ALCAM: variants seen among roughly 807,000 people sequenced by gnomAD.
ALCAM encodes activated leukocyte cell adhesion molecule, also known as CD166 antigen.
A neutral mutation model predicts 70.9 loss-of-function variants in ALCAM; 30 were observed. The observed-to-expected ratio is 0.42, with a 90% CI of 0.32 to 0.57. The LOEUF (loss-of-function observed/expected upper bound fraction) is 0.57. ALCAM is among the 20% of genes least tolerant of loss of function. The pLI is 0.11. For missense variants in ALCAM, 591 were observed against 695.1 expected, an observed-to-expected ratio of 0.85 and a Z score of 1.68; for synonymous variants, 249 against 242.5, an observed-to-expected ratio of 1.03 and a Z score of -0.25.
At chr3:105,434,515 C>T (rs1253117306) in intron 1 of ALCAM, among the ~76,000 whole-genome samples, 1 of 151,726 alleles carries the variant, frequency 6.6e-6, no homozygotes, top group African/African-American at 2.4e-5. Flanking sequence ...ATTATTTTTC[C>T]TCCGATTTTG....
At chr3:105,442,547 T>A (rs1249864954) in intron 1 of ALCAM, among the ~76,000 whole-genome samples, 2 of 152,084 alleles carry the variant, frequency 1.3e-5, no homozygotes, top group Non-Finnish European at 2.9e-5. Flanking sequence ...TGTGGGAGGC[T>A]GAGGCGGGTG....
intron 3 of ALCAM, 185 bp downstream of exon 3, chr3:105,524,693 C>A (rs575384846): frequency 7.5e-7 from 1 of 1,328,666 alleles, no homozygotes; most frequent in South Asian, 2.4e-5. Flanking sequence ...GTATGAAATT[C>A]AAATAGGAGA....
intron 11 of ALCAM, 70 bp downstream of exon 11, chr3:105,547,593 C>G (rs1225929469): frequency 1.9e-6 from 3 of 1,545,280 alleles, no homozygotes; most frequent in African/African-American, 2.8e-5. Flanking sequence ...CGAACCTACC[C>G]TATAGGTTGG....
rs1940119849 is a variant in ALCAM, at chr3:105,541,685, G to A, written c.911G>A (p.Arg304Lys). The change falls in exon 8 of 16, where the codon AGG (arginine) becomes AAG (lysine). Residue 304 changes from arginine (R) to lysine (K), a missense_variant. Transcript: ENST00000306107. ...SSNTYTLTDVRRNATGDYKCS... is the reference protein window; with the variant it reads ...SSNTYTLTDVKRNATGDYKCS... ...AATACTTACACACTGACGGATGTGA[G>A]GCGCAATGCAACAGGAGACTACAAG... 25 of 1,612,282 alleles carry A rather than the reference G, an allele frequency of 1.6e-5. No individual in the cohort carries two copies. The highest frequency in any genetic ancestry group is 1.9e-5 in the Non-Finnish European group (22 of 1,178,860).
chr3:105,503,531 T>G (rs1354681717), intron 1 of ALCAM, among the ~76,000 whole-genome samples: 2 of 152,018 alleles, frequency 1.3e-5, no homozygotes, highest in African/African-American at 4.8e-5. Context: ...ACCTAAACAC[T>G]TTAACACGAT....
intron 1 of ALCAM, among the ~76,000 whole-genome samples, chr3:105,495,035 C>T (rs1355469544): frequency 1.3e-5 from 2 of 152,190 alleles, no homozygotes; most frequent in African/African-American, 4.8e-5. Flanking sequence ...CAGACACCTC[C>T]TGTCCTCTTG....
intron 1 of ALCAM, among the ~76,000 whole-genome samples, chr3:105,391,194 C>T (rs182281904): frequency 1.3e-5 from 2 of 152,110 alleles, no homozygotes; most frequent in African/African-American, 4.8e-5. Flanking sequence ...GGCGGTATGG[C>T]CATTTTCACT....
intron 9 of ALCAM, among the ~76,000 whole-genome samples, chr3:105,546,829 A>AT (rs1940260111): frequency 6.6e-6 from 1 of 151,376 alleles, no homozygotes; most frequent in African/African-American, 2.4e-5. Flanking sequence ...AATTCCTGAC[A>AT]TAATAGGATT....
chr3:105,474,676 T>TA (rs1459244563), intron 1 of ALCAM, among the ~76,000 whole-genome samples: 1 of 151,776 alleles, frequency 6.6e-6, no homozygotes, highest in African/African-American at 2.4e-5. Context: ...CTCTTTTTTT[T>TA]ACGTATGAAA....
intron 1 of ALCAM, among the ~76,000 whole-genome samples, chr3:105,387,385 C>A (rs1391259734): frequency 2.0e-5 from 3 of 151,044 alleles, no homozygotes; most frequent in African/African-American, 7.3e-5. Context: ...TTAGCTTTTT[C>A]TCTTTAGATG....
At chr3:105,415,373 G>A (rs1936483188) in intron 1 of ALCAM, among the ~76,000 whole-genome samples, 1 of 152,056 alleles carries the variant, frequency 6.6e-6, no homozygotes, top group Admixed American at 6.6e-5. Flanking sequence ...GCAAATAAAA[G>A]ACATGCAAAA....
intron 1 of ALCAM, among the ~76,000 whole-genome samples, chr3:105,492,653 T>C (rs1938619242): frequency 6.6e-6 from 1 of 152,200 alleles, no homozygotes; most frequent in African/African-American, 2.4e-5. Flanking sequence ...TTTGAACTAA[T>C]ATGGAAACTC....
chr3:105,367,827 T>C (rs566982673), intron 1 of ALCAM, among the ~76,000 whole-genome samples: 24 of 152,128 alleles, frequency 1.6e-4, no homozygotes, highest in Non-Finnish European at 3.5e-4. Context: ...TGTCTCTGGG[T>C]ATCCAAGTCC....
At chr3:105,409,087 A>G (rs375868770) in intron 1 of ALCAM, among the ~76,000 whole-genome samples, 1 of 152,152 alleles carries the variant, frequency 6.6e-6, no homozygotes, top group African/African-American at 2.4e-5. Flanking sequence ...GAACAGTTTT[A>G]TGCTGTTGGA....
At chr3:105,546,294 A>G (rs568294343) in intron 9 of ALCAM, among the ~76,000 whole-genome samples, 2 of 151,542 alleles carry the variant, frequency 1.3e-5, no homozygotes, top group South Asian at 4.1e-4. Context: ...ATATTTTTCT[A>G]GAGTTTCTTT....
intron 3 of ALCAM, among the ~76,000 whole-genome samples, chr3:105,527,393 A>C (rs1299291958): frequency 3.3e-5 from 5 of 152,098 alleles, no homozygotes; most frequent in Admixed American, 3.3e-4. Flanking sequence ...TGGGCAAGTC[A>C]CCTCACCAGT....
chr3:105,390,178 G>T (rs1935778365), intron 1 of ALCAM, among the ~76,000 whole-genome samples: 1 of 152,008 alleles, frequency 6.6e-6, no homozygotes, highest in Non-Finnish European at 1.5e-5. Flanking sequence ...CTTCCACAAT[G>T]ATTGAACTAA....
intron 14 of ALCAM, among the ~76,000 whole-genome samples, chr3:105,554,729 C>T (rs931685324): frequency 4.6e-5 from 7 of 151,856 alleles, no homozygotes; most frequent in East Asian, 1.9e-4. Context: ...CCAGAGGCAA[C>T]ATCCATTTTA....
intron 1 of ALCAM, among the ~76,000 whole-genome samples, chr3:105,416,335 G>T (rs888980276): frequency 6.6e-6 from 1 of 151,838 alleles, no homozygotes; most frequent in African/African-American, 2.4e-5. Context: ...ACCCTATATA[G>T]TTGGCATTGC....
Sources: allele counts gnomAD v4.1 joint callset (sites outside exome capture counted in the v4.1 genomes callset), GRCh38; gene constraint gnomAD v4.1.1; transcripts MANE v1.5; gene names NCBI Gene and HGNC (gene_info 2026-07-23, HGNC 2026-07-21).